MUSK: variants seen among roughly 807,000 people sequenced by gnomAD.
MUSK encodes muscle associated receptor tyrosine kinase.
In MUSK, 55 loss-of-function variants were observed where a neutral mutation model predicts 88.7. The ratio of observed to expected loss-of-function variants is 0.62; its 90% CI spans 0.50 to 0.78. The LOEUF is 0.78. Ranked by LOEUF, MUSK falls within the 30% of genes least tolerant of loss-of-function variation. The probability of loss-of-function intolerance (pLI) is 0.00; values close to 1 mark genes in which losing one functional copy is unlikely to be tolerated. For synonymous variants in MUSK, 387 were observed against 391.9 expected, an observed-to-expected ratio of 0.99 and a Z score of 0.15; for missense variants, 1,015 against 1,074.3, an observed-to-expected ratio of 0.94 and a Z score of 0.77.
chr9:110,687,167 T>C lies in MUSK; in HGVS notation c.257T>C (p.Ile86Thr). The change falls in exon 3 of 15, where the codon ATC (isoleucine) becomes ACC (threonine). Residue 86 changes from isoleucine to threonine, a missense_variant. Physicochemically the swap from Ile to Thr is moderately conservative, Grantham distance 89. Coordinates refer to ENST00000374448, the MANE Select transcript of MUSK (RefSeq NM_005592.4). ...SIRENGQLLT[I>T]LSVEDSDDGI... ...CGGGAGAATGGGCAGCTCCTCACCATCCTGAGTGTGGAAGACAGTGATGAT... is the reference window on the plus strand; with the variant it reads ...CGGGAGAATGGGCAGCTCCTCACCACCCTGAGTGTGGAAGACAGTGATGAT... 6.2e-7 allele frequency: 1 copy of C among 1,613,740 alleles called. No individual in the cohort carries two copies. Among genetic ancestry groups the C allele is most frequent in the Non-Finnish European group, 8.5e-7 (1 of 1,179,738 alleles).
intron 7 of MUSK, among the ~76,000 whole-genome samples, chr9:110,752,541 A>T (rs2077261018): frequency 6.6e-6 from 1 of 152,226 alleles, no homozygotes; most frequent in Non-Finnish European, 1.5e-5. Flanking sequence ...CCTTAATGCC[A>T]AACTCTGCTG....
chr9:110,781,299 C>T (rs918990290), intron 11 of MUSK, among the ~76,000 whole-genome samples: 16 of 147,422 alleles, frequency 1.1e-4, no homozygotes, highest in South Asian at 2.1e-4. Context: ...TTGTTTGAGA[C>T]GGAGTCTCAC....
chr9:110,718,882 T>G (rs1290365650), intron 5 of MUSK, among the ~76,000 whole-genome samples: 2 of 152,072 alleles, frequency 1.3e-5, no homozygotes, highest in South Asian at 2.1e-4. Flanking sequence ...TAACAGCAGA[T>G]TTCTCAGCAG....
At chr9:110,733,079 T>G (rs575208987) in intron 5 of MUSK, among the ~76,000 whole-genome samples, 2 of 152,252 alleles carry the variant, frequency 1.3e-5, no homozygotes, top group East Asian at 3.9e-4. Context: ...TCAATTTAAC[T>G]AGAATTAAGT....
intron 4 of MUSK, among the ~76,000 whole-genome samples, chr9:110,696,016 G>A (rs1161592161): frequency 1.3e-5 from 2 of 152,106 alleles, no homozygotes; most frequent in Non-Finnish European, 1.5e-5. Flanking sequence ...GAGTCATGAA[G>A]AGTAGTCACG....
intron 6 of MUSK, 76 bp from the exon 7 acceptor site, chr9:110,747,565 T>C: frequency 7.0e-7 from 1 of 1,425,262 alleles, no homozygotes; most frequent in Non-Finnish European, 9.6e-7. Flanking sequence ...TCTTAATGCT[T>C]TTCCCTTCAA....
chr9:110,701,152 T>C (rs563210651), intron 5 of MUSK, among the ~76,000 whole-genome samples: 3 of 152,266 alleles, frequency 2.0e-5, no homozygotes, highest in African/African-American at 7.2e-5. Context: ...AGCTGTGGAA[T>C]GGGAGAGATG....
Position 110,748,046 on chromosome 9 carries a change from C to A in MUSK, c.913+246C>A, listed in dbSNP as rs1013790786. The A allele has an allele frequency of 1.7e-4, 110 of 647,894 alleles. 1 individual carries two copies. Among genetic ancestry groups the A allele is most frequent in the Non-Finnish European group, 2.4e-4 (83 of 350,506 alleles). The allele number at this position is 647,894 out of a possible 1,614,324, so 40.1% of individuals were successfully genotyped here. ...GTAGGTAACAGCTTCCAGGAACTCA[C>A]TTCTTCCTTCCTTCTTGTTTTTCTT... On this transcript the variant is annotated intron_variant, in intron 7 of 14. Coordinates refer to ENST00000374448, the MANE Select transcript of MUSK (RefSeq NM_005592.4).
chr9:110,715,272 G>T (rs947879210), intron 5 of MUSK, among the ~76,000 whole-genome samples: 1 of 149,614 alleles, frequency 6.7e-6, no homozygotes, highest in Admixed American at 6.6e-5. Context: ...TTAATTAATT[G>T]CTTTATATAA....
intron 1 of MUSK, among the ~76,000 whole-genome samples, chr9:110,681,684 T>A (rs1280278971): frequency 1.3e-5 from 2 of 151,726 alleles, no homozygotes; most frequent in Non-Finnish European, 2.9e-5. Context: ...CCACTCACCA[T>A]TTTTTTTCAC....
intron 6 of MUSK, among the ~76,000 whole-genome samples, chr9:110,745,590 C>A (rs928004292): frequency 1.8e-4 from 28 of 152,118 alleles, no homozygotes; most frequent in African/African-American, 6.8e-4. Flanking sequence ...TATTTTCAGT[C>A]CCCTTGATCT....
chr9:110,788,903 A>G (rs1333124808), intron 14 of MUSK, among the ~76,000 whole-genome samples: 1 of 152,170 alleles, frequency 6.6e-6, no homozygotes, highest in African/African-American at 2.4e-5. Context: ...AATGAGAAGC[A>G]TTTGCAAAGG....
chr9:110,707,428 C>A (rs1167400317), intron 5 of MUSK, among the ~76,000 whole-genome samples: 1 of 152,102 alleles, frequency 6.6e-6, no homozygotes, highest in Non-Finnish European at 1.5e-5. Flanking sequence ...CTGAATGTGG[C>A]TCTTACTACA....
At chr9:110,731,686 A>G (rs77271591) in intron 5 of MUSK, among the ~76,000 whole-genome samples, 4,613 of 152,152 alleles carry the variant, frequency 0.03, 109 homozygotes, top group African/African-American at 0.056. Context: ...GAAGCTACCT[A>G]TAATGTCAGC....
intron 7 of MUSK, among the ~76,000 whole-genome samples, chr9:110,750,264 T>C (rs1200700717): frequency 6.6e-6 from 1 of 152,126 alleles, no homozygotes; most frequent in Admixed American, 6.5e-5. Context: ...GAGCTCTTTC[T>C]CCCTTTTCTT....
At chr9:110,790,175 C>G (rs1326970484) in intron 14 of MUSK, among the ~76,000 whole-genome samples, 1 of 152,024 alleles carries the variant, frequency 6.6e-6, no homozygotes, top group Non-Finnish European at 1.5e-5. Flanking sequence ...TGCATTAAGT[C>G]AAGTGAGAGG....
At chr9:110,706,076 G>A in intron 5 of MUSK, 1 of 528,930 alleles carries the variant, frequency 1.9e-6, no homozygotes, top group Non-Finnish European at 3.9e-6. Context: ...TTTCTTACAG[G>A]TGCTAAAGGC....
At chr9:110,675,215 C>CT (rs386415865) in intron 1 of MUSK, among the ~76,000 whole-genome samples, 2,391 of 88,272 alleles carry the variant, frequency 0.027, 113 homozygotes, top group African/African-American at 0.052. Context: ...CACATTGCCT[C>CT]TTTTTTTTTT....
intron 5 of MUSK, among the ~76,000 whole-genome samples, chr9:110,730,583 AC>A (rs2076950809): frequency 6.6e-6 from 1 of 152,052 alleles, no homozygotes; most frequent in South Asian, 2.1e-4. Flanking sequence ...AATGGGATTT[AC>A]TGTTGACTTG....
Sources: allele counts gnomAD v4.1 joint callset (sites outside exome capture counted in the v4.1 genomes callset), GRCh38; gene constraint gnomAD v4.1.1; transcripts MANE v1.5; gene names NCBI Gene and HGNC (gene_info 2026-07-23, HGNC 2026-07-21).